The following SLC24A3 variants were observed in gnomAD, a reference collection of about 807,000 sequenced individuals.
The protein encoded by SLC24A3 is solute carrier family 24 member 3.
In SLC24A3, 28 loss-of-function variants were observed where a neutral mutation model predicts 75.8. The observed-to-expected ratio is 0.37, with a 90% confidence interval of 0.27 to 0.51. The LOEUF is 0.51. SLC24A3 is among the 20% of genes least tolerant of loss of function. The probability of loss-of-function intolerance (pLI) is 0.94; values close to 1 mark genes in which losing one functional copy is unlikely to be tolerated. For missense variants in SLC24A3, 663 were observed against 847.8 expected, an observed-to-expected ratio of 0.78 and a Z score of 2.71; for synonymous variants, 372 against 334.1, an observed-to-expected ratio of 1.11 and a Z score of -1.24.
intron 2 of SLC24A3, among the ~76,000 whole-genome samples, chr20:19,380,644 A>G (rs574906351): frequency 1.4e-4 from 22 of 152,226 alleles, no homozygotes; most frequent in African/African-American, 5.1e-4. Context: ...GAGGAAAAGC[A>G]CTGGTCCTGG....
At chr20:19,683,737 A>T (rs1255066732) in intron 10 of SLC24A3, among the ~76,000 whole-genome samples, 1 of 152,230 alleles carries the variant, frequency 6.6e-6, no homozygotes, top group Non-Finnish European at 1.5e-5. Context: ...CTTTAAGGAC[A>T]AGGAGGAATT....
At chr20:19,240,903 G>A (rs902087332) in intron 1 of SLC24A3, among the ~76,000 whole-genome samples, 7 of 152,180 alleles carry the variant, frequency 4.6e-5, no homozygotes. Flanking sequence ...GGGGGAAGCT[G>A]AGAGCCAGGA....
chr20:19,679,764 A>C (rs1185567491), intron 9 of SLC24A3, among the ~76,000 whole-genome samples: 1 of 152,150 alleles, frequency 6.6e-6, no homozygotes, highest in Non-Finnish European at 1.5e-5. Context: ...GTTTTCTTTT[A>C]GTTTCATAAA....
At chr20:19,448,395 G>T (rs1394473686) in intron 2 of SLC24A3, among the ~76,000 whole-genome samples, 1 of 152,150 alleles carries the variant, frequency 6.6e-6, no homozygotes, top group African/African-American at 2.4e-5. Context: ...ATTTTTCAAT[G>T]TGCAAACACA....
chr20:19,292,232 A>C (rs1320202368), intron 2 of SLC24A3, among the ~76,000 whole-genome samples: 1 of 152,090 alleles, frequency 6.6e-6, no homozygotes, highest in Admixed American at 6.5e-5. Flanking sequence ...GTGGATGCCC[A>C]TTTTCCAAGC....
chr20:19,550,893 G>A lies in SLC24A3; in HGVS notation c.349-29107G>A, dbSNP rs983255299. 5.3e-5 allele frequency among the ~76,000 whole-genome samples: 8 copies of A among 152,352 alleles called. No individual in the cohort carries two copies. The East Asian group carries it at 5.8e-4, about 11-fold the overall frequency. ...AGCAAATGAGGCCAGAGGTGAGCAC[G>A]GTAAGTAAATTAGACCCAAGTGGGC... On this transcript the variant is annotated intron_variant, in intron 3 of 16. Coordinates refer to ENST00000328041, the MANE Select transcript of SLC24A3 (RefSeq NM_020689.4).
intron 2 of SLC24A3, among the ~76,000 whole-genome samples, chr20:19,438,665 C>A (rs1323540263): frequency 6.6e-6 from 1 of 151,302 alleles, no homozygotes; most frequent in African/African-American, 2.4e-5. Flanking sequence ...CCAAGCCACT[C>A]ATTGGCCTCT....
chr20:19,519,392 A>T (rs1040969355), intron 3 of SLC24A3, among the ~76,000 whole-genome samples: 1 of 152,176 alleles, frequency 6.6e-6, no homozygotes, highest in African/African-American at 2.4e-5. Context: ...GTGGCTTTGA[A>T]CAGCCATTGC....
At chr20:19,351,229 T>A (rs956391534) in intron 2 of SLC24A3, among the ~76,000 whole-genome samples, 6 of 152,200 alleles carry the variant, frequency 3.9e-5, no homozygotes, top group African/African-American at 7.2e-5. Flanking sequence ...CATTTTCCCT[T>A]CAGGTTGTTG....
chr20:19,320,169 A>C (rs1984675287), intron 2 of SLC24A3, among the ~76,000 whole-genome samples: 1 of 152,146 alleles, frequency 6.6e-6, no homozygotes, highest in Non-Finnish European at 1.5e-5. Context: ...CCTGCTCTGT[A>C]GCTGTTTTGT....
At chr20:19,252,619 A>T (rs114594664) in intron 1 of SLC24A3, among the ~76,000 whole-genome samples, 2 of 144,150 alleles carry the variant, frequency 1.4e-5, no homozygotes, top group African/African-American at 2.6e-5. Flanking sequence ...GCTTAAAAAA[A>T]CAAAAAGCCT....
intron 2 of SLC24A3, among the ~76,000 whole-genome samples, chr20:19,340,724 A>G (rs192599324): frequency 8.5e-4 from 130 of 152,342 alleles, no homozygotes; most frequent in African/African-American, 3.0e-3. Flanking sequence ...ATAAACATCC[A>G]GAAATAACAT....
At chr20:19,339,155 C>T (rs1021584032) in intron 2 of SLC24A3, among the ~76,000 whole-genome samples, 1 of 152,122 alleles carries the variant, frequency 6.6e-6, no homozygotes, top group African/African-American at 2.4e-5. Flanking sequence ...CCAGAGCTTC[C>T]TTTTATACCC....
intron 6 of SLC24A3, among the ~76,000 whole-genome samples, chr20:19,653,724 G>A (rs1177456984): frequency 4.6e-5 from 7 of 152,160 alleles, no homozygotes; most frequent in Admixed American, 2.6e-4. Context: ...CTCAGACTGC[G>A]TGCCAGCTAG....
chr20:19,633,648 CAAAAAA>C, intron 6 of SLC24A3, among the ~76,000 whole-genome samples: 1 of 85,096 alleles, frequency 1.2e-5, no homozygotes, highest in South Asian at 4.5e-4. Flanking sequence ...GACTCCGTCT[CAAAAAA>C]AAAAAAAAAA....
Position 19,697,161 on chromosome 20 carries a change from C to T in SLC24A3, c.1606+250C>T, listed in dbSNP as rs925963828. ...GGTTTGGAAGGAGGGAGGGTGATGC[C>T]GTGTTGGTTGAAAGGTTTCCTGGGC... On this transcript the variant is annotated intron_variant, in intron 14 of 16. Coordinates refer to ENST00000328041, the MANE Select transcript of SLC24A3 (RefSeq NM_020689.4). Among the ~76,000 whole-genome samples, 5 of 151,974 alleles carry T rather than the reference C, an allele frequency of 3.3e-5. No individual in the cohort carries two copies. In the East Asian group the frequency reaches 5.8e-4, roughly 18 times the overall value.
rs374730362 is a variant in SLC24A3, at chr20:19,574,675, T to G, written c.349-5325T>G. 5.3e-5 allele frequency among the ~76,000 whole-genome samples: 8 copies of G among 152,230 alleles called. No individual in the cohort carries two copies. The East Asian group carries it at 5.8e-4, about 11-fold the overall frequency. ...ATTATTGTTGCCACAACAATGGCAG[T>G]GCATGAGGGGCTGCGCTATGTCTAA... is the stretch of plus-strand genomic sequence containing the variant. On this transcript the variant is annotated intron_variant, in intron 3 of 16. Coordinates refer to ENST00000328041, the MANE Select transcript of SLC24A3 (RefSeq NM_020689.4).
chr20:19,298,667 T>C (rs1011560630), intron 2 of SLC24A3, among the ~76,000 whole-genome samples: 3 of 152,234 alleles, frequency 2.0e-5, no homozygotes, highest in African/African-American at 7.2e-5. Context: ...AAATTCTGCC[T>C]AAGTTCCTTC....
intron 1 of SLC24A3, among the ~76,000 whole-genome samples, chr20:19,271,169 G>A (rs946487970): frequency 1.3e-5 from 2 of 152,180 alleles, no homozygotes; most frequent in African/African-American, 4.8e-5. Context: ...TCTGAAAAGA[G>A]AAAGCTCTGA....
Sources: allele counts gnomAD v4.1 joint callset (sites outside exome capture counted in the v4.1 genomes callset), GRCh38; gene constraint gnomAD v4.1.1; transcripts MANE v1.5; gene names NCBI Gene and HGNC (gene_info 2026-07-23, HGNC 2026-07-21).